ADGRL3: variants seen among roughly 807,000 people sequenced by gnomAD.
ADGRL3 encodes the protein calcium-independent alpha-latrotoxin receptor 3.
ADGRL3 carries 62 observed loss-of-function variants against 153.5 expected under a neutral mutation model. The observed-to-expected ratio is 0.40, with a 90% CI of 0.33 to 0.50. The LOEUF (loss-of-function observed/expected upper bound fraction) is 0.50. ADGRL3 is among the 20% of genes least tolerant of loss of function. ADGRL3 has a pLI of 0.47. For synonymous variants in ADGRL3, 710 were observed against 672.5 expected (o/e 1.06, Z -0.86); for missense variants, 1,641 against 1,859.4 (o/e 0.88, Z 2.16).
intron 9 of ADGRL3, among the ~76,000 whole-genome samples, chr4:61,888,873 A>AT (rs1329936969): frequency 3.3e-5 from 5 of 152,208 alleles, no homozygotes; most frequent in African/African-American, 4.8e-5. Context: ...AGATAGGATC[A>AT]TTTGGGGGAG....
intron 21 of ADGRL3, among the ~76,000 whole-genome samples, chr4:62,011,234 T>G (rs1428092691): frequency 6.6e-6 from 1 of 152,162 alleles, no homozygotes; most frequent in African/African-American, 2.4e-5. Context: ...ACAAATTTAT[T>G]TATTACAAGT....
At chr4:61,249,020 T>G (rs1758158172) in intron 1 of ADGRL3, among the ~76,000 whole-genome samples, 1 of 152,144 alleles carries the variant, frequency 6.6e-6, no homozygotes, top group Non-Finnish European at 1.5e-5. Context: ...CTAAGCTTGC[T>G]TCTCCATCTA....
intron 21 of ADGRL3, among the ~76,000 whole-genome samples, chr4:62,006,623 T>C (rs2099160356): frequency 6.6e-6 from 1 of 151,738 alleles, no homozygotes; most frequent in African/African-American, 2.4e-5. Context: ...GTTTTATTTA[T>C]TTTTGGTATT....
chr4:61,400,028 A>C (rs926366838), intron 2 of ADGRL3, among the ~76,000 whole-genome samples: 1 of 151,830 alleles, frequency 6.6e-6, no homozygotes, highest in Non-Finnish European at 1.5e-5. Flanking sequence ...CAGGGAATCA[A>C]AATAATCAGC....
intron 2 of ADGRL3, among the ~76,000 whole-genome samples, chr4:61,478,501 C>T (rs2098092189): frequency 6.6e-6 from 1 of 152,070 alleles, no homozygotes; most frequent in Non-Finnish European, 1.5e-5. Context: ...TTCAAAGAAA[C>T]TTCTCCATTA....
intron 2 of ADGRL3, among the ~76,000 whole-genome samples, chr4:61,496,795 G>T (rs1478115355): frequency 6.6e-6 from 1 of 150,632 alleles, no homozygotes; most frequent in Non-Finnish European, 1.5e-5. Context: ...CAAAAATTTA[G>T]CCTGGCCTGG....
At chr4:61,384,411 T>C (rs2096711189) in intron 2 of ADGRL3, among the ~76,000 whole-genome samples, 2 of 151,064 alleles carry the variant, frequency 1.3e-5, no homozygotes, top group African/African-American at 2.4e-5. Context: ...TTCATTTATA[T>C]TTATTAGCTT....
chr4:61,284,707 G>C (rs1156693562), intron 1 of ADGRL3, among the ~76,000 whole-genome samples: 1 of 151,634 alleles, frequency 6.6e-6, no homozygotes, highest in Non-Finnish European at 1.5e-5. Context: ...CAAAATAATT[G>C]GACATTGGTA....
chr4:61,624,924 C>T (rs1018946128), intron 5 of ADGRL3, among the ~76,000 whole-genome samples: 9 of 152,008 alleles, frequency 5.9e-5, no homozygotes, highest in Non-Finnish European at 1.2e-4. Context: ...TTTAAAATTA[C>T]ACTATTGTAG....
At chr4:61,285,160 A>T (rs2093884311) in intron 1 of ADGRL3, among the ~76,000 whole-genome samples, 1 of 151,884 alleles carries the variant, frequency 6.6e-6, no homozygotes, top group Non-Finnish European at 1.5e-5. Flanking sequence ...AGTATATCAG[A>T]CATAAAAAAT....
At chr4:61,758,902 T>C (rs947926079) in intron 8 of ADGRL3, among the ~76,000 whole-genome samples, 2 of 152,242 alleles carry the variant, frequency 1.3e-5, no homozygotes, top group Non-Finnish European at 2.9e-5. Context: ...CAGCATTTGC[T>C]AGTCTGTAAA....
chr4:61,207,353 C>T (rs1292804231), intron 1 of ADGRL3, among the ~76,000 whole-genome samples: 1 of 152,156 alleles, frequency 6.6e-6, no homozygotes, highest in Non-Finnish European at 1.5e-5. Context: ...TCAGCTTCAT[C>T]CATGTCCCTG....
rs569571239 is a variant in ADGRL3, at chr4:61,630,405, T to G, written c.473+42965T>G. Among the ~76,000 whole-genome samples the G allele has an allele frequency of 2.6e-5, 4 of 152,336 alleles. No individual in the cohort carries two copies. The East Asian group carries it at 7.7e-4, about 29-fold the overall frequency. On this transcript the variant is annotated intron_variant, in intron 5 of 26. Transcript: ENST00000683033. ...GAATAGCTTGATTGAGAAAGAAATA[T>G]TTTTGGAAAAATACTGTTAGCTGAC...
At chr4:61,503,244 G>T (rs1412980378) in intron 3 of ADGRL3, among the ~76,000 whole-genome samples, 1 of 151,994 alleles carries the variant, frequency 6.6e-6, no homozygotes, top group Non-Finnish European at 1.5e-5. Flanking sequence ...CTTGCAAAAG[G>T]TGTTACGTAT....
At chr4:61,681,631 T>C (rs2095337915) in intron 6 of ADGRL3, among the ~76,000 whole-genome samples, 2 of 152,052 alleles carry the variant, frequency 1.3e-5, no homozygotes, top group African/African-American at 2.4e-5. Flanking sequence ...TATTGGAAGA[T>C]TGGTATTTAT....
chr4:61,278,481 A>G (rs2093583138), intron 1 of ADGRL3, among the ~76,000 whole-genome samples: 1 of 152,036 alleles, frequency 6.6e-6, no homozygotes. Context: ...CTTAGCAAAC[A>G]TTGCAGTACT....
chr4:61,474,816 C>G (rs1439487416), intron 2 of ADGRL3, among the ~76,000 whole-genome samples: 1 of 152,052 alleles, frequency 6.6e-6, no homozygotes, highest in Non-Finnish European at 1.5e-5. Flanking sequence ...CATTTGAGCA[C>G]TATTATATTT....
intron 1 of ADGRL3, among the ~76,000 whole-genome samples, chr4:61,301,209 G>C (rs1578184057): frequency 6.6e-6 from 1 of 152,256 alleles, no homozygotes; most frequent in Non-Finnish European, 1.5e-5. Flanking sequence ...TAATTAATCT[G>C]TTTAAAATAT....
intron 1 of ADGRL3, among the ~76,000 whole-genome samples, chr4:61,315,414 T>G (rs1421739035): frequency 6.6e-6 from 1 of 152,202 alleles, no homozygotes; most frequent in African/African-American, 2.4e-5. Flanking sequence ...TTTCAGTGTC[T>G]AACCTAGACT....
Sources: gnomAD v4.1 joint callset for allele counts (sites outside exome capture counted in the v4.1 genomes callset) on GRCh38, gnomAD v4.1.1 for gene constraint, MANE v1.5 for transcripts, NCBI Gene and HGNC (gene_info 2026-07-23, HGNC 2026-07-21) for gene names.